The following PDZRN3 variants were observed in gnomAD, a reference collection of about 807,000 sequenced individuals.
PDZRN3 encodes the protein E3 ubiquitin-protein ligase PDZRN3.
In PDZRN3, 38 loss-of-function variants were observed where a neutral mutation model predicts 85.7. That is an observed-to-expected ratio of 0.44 (90% CI 0.34 to 0.58). The LOEUF is 0.58. PDZRN3 is among the 20% of genes least tolerant of loss of function. The probability of loss-of-function intolerance (pLI) is 0.01; values close to 1 mark genes in which losing one functional copy is unlikely to be tolerated. For missense variants in PDZRN3, 1,629 were observed against 1,506.4 expected, an observed-to-expected ratio of 1.08 and a Z score of -1.35; for synonymous variants, 759 against 638.0, an observed-to-expected ratio of 1.19 and a Z score of -2.86.
chr3:73,556,884 G>A (rs980701042), intron 3 of PDZRN3: 1 of 152,476 alleles, frequency 6.6e-6, no homozygotes, highest in East Asian at 1.9e-4. Flanking sequence ...CCCTGAACCT[G>A]ACTGAGGAGC....
intron 3 of PDZRN3, among the ~76,000 whole-genome samples, chr3:73,410,257 G>A (rs1701939629): frequency 6.6e-6 from 1 of 152,118 alleles, no homozygotes; most frequent in Non-Finnish European, 1.5e-5. Context: ...GTCTCCTCTA[G>A]GGCTTGGAGA....
chr3:73,485,792 A>G (rs997721292), intron 3 of PDZRN3, among the ~76,000 whole-genome samples: 2 of 152,240 alleles, frequency 1.3e-5, no homozygotes, highest in Non-Finnish European at 2.9e-5. Context: ...AGGTAATCTG[A>G]TATGTGTTAG....
rs138379313 is a variant in PDZRN3 at position 73,467,510 on chromosome 3, G to T, written c.919-63115C>A. Among the ~76,000 whole-genome samples the T allele has an allele frequency of 5.9e-3, 904 of 152,334 alleles. 12 individuals are homozygous for T. Among genetic ancestry groups the T allele is most frequent in the African/African-American group, 0.021 (859 of 41,576 alleles). On this transcript the variant is annotated intron_variant, in intron 3 of 9. Coordinates refer to ENST00000263666, the MANE Select transcript of PDZRN3 (RefSeq NM_015009.3). ...CCTGAACTGTTTTGAAGTAGTGGAAGGAAAGGCAGGCCTTGAGTTAACACT... is the reference window on the plus strand; with the variant it reads ...CCTGAACTGTTTTGAAGTAGTGGAATGAAAGGCAGGCCTTGAGTTAACACT...
chr3:73,601,629 T>C (rs1008296740), intron 3 of PDZRN3, among the ~76,000 whole-genome samples: 6 of 152,106 alleles, frequency 3.9e-5, no homozygotes, highest in Admixed American at 2.6e-4. Context: ...CAAGAGCCCA[T>C]ATGAGAAGGC....
chr3:73,569,958 G>A (rs916067296), intron 3 of PDZRN3, among the ~76,000 whole-genome samples: 3 of 152,322 alleles, frequency 2.0e-5, no homozygotes, highest in East Asian at 1.9e-4. Flanking sequence ...CAGGAGTTGG[G>A]TGACACTGAC....
At chr3:73,500,043 A>G (rs1299309227) in intron 3 of PDZRN3, among the ~76,000 whole-genome samples, 1 of 152,176 alleles carries the variant, frequency 6.6e-6, no homozygotes, top group Non-Finnish European at 1.5e-5. Context: ...GGGGTTACAA[A>G]GAAAGCCCTT....
At chr3:73,443,500 G>GA (rs1702687407) in intron 3 of PDZRN3, among the ~76,000 whole-genome samples, 2 of 39,782 alleles carry the variant, frequency 5.0e-5, no homozygotes, top group African/African-American at 3.0e-4. Context: ...TTTTTTTTTG[G>GA]GGGGGGGACA....
intron 3 of PDZRN3, among the ~76,000 whole-genome samples, chr3:73,504,512 TCAG>T (rs369574686): frequency 1.9e-3 from 294 of 152,322 alleles, no homozygotes; most frequent in African/African-American, 6.8e-3. Flanking sequence ...ACTCCTCATC[TCAG>T]CCACACCAGT....
chr3:73,525,447 G>A (rs1365762739), intron 3 of PDZRN3, among the ~76,000 whole-genome samples: 2 of 152,162 alleles, frequency 1.3e-5, no homozygotes, highest in Non-Finnish European at 1.5e-5. Context: ...TTTGGGAGAA[G>A]GGAGAGGATT....
chr3:73,498,066 A>G (rs1042541336), intron 3 of PDZRN3, among the ~76,000 whole-genome samples: 1 of 152,222 alleles, frequency 6.6e-6, no homozygotes, highest in Non-Finnish European at 1.5e-5. Flanking sequence ...GTTCCGCCAG[A>G]GAAGGTAAGG....
At chr3:73,611,344 C>G (rs995815249) in intron 1 of PDZRN3, among the ~76,000 whole-genome samples, 11 of 152,206 alleles carry the variant, frequency 7.2e-5, no homozygotes, top group African/African-American at 2.7e-4. Context: ...AGATCTCTCC[C>G]AAGGGACAAT....
intron 3 of PDZRN3, among the ~76,000 whole-genome samples, chr3:73,479,612 A>T (rs1171853475): frequency 1.3e-5 from 2 of 152,164 alleles, no homozygotes; most frequent in Admixed American, 1.3e-4. Flanking sequence ...TCTTTGTAAT[A>T]AGAGTTTGCT....
chr3:73,614,332 A>G (rs748813995), intron 1 of PDZRN3, among the ~76,000 whole-genome samples: 1 of 152,172 alleles, frequency 6.6e-6, no homozygotes, highest in Non-Finnish European at 1.5e-5. Context: ...CTCTGTCACC[A>G]TTCTCCTCCA....
intron 3 of PDZRN3, among the ~76,000 whole-genome samples, chr3:73,493,848 A>G (rs2106667075): frequency 6.6e-6 from 1 of 152,342 alleles, no homozygotes; most frequent in South Asian, 2.1e-4. Context: ...TTAAGCAACC[A>G]CTGGGATTGC....
At chr3:73,487,834 C>T (rs550737267) in intron 3 of PDZRN3, among the ~76,000 whole-genome samples, 1 of 152,306 alleles carries the variant, frequency 6.6e-6, no homozygotes, top group African/African-American at 2.4e-5. Context: ...GGGCCTTTGG[C>T]TGCTCATTAC....
chr3:73,594,183 T>C (rs575647177), intron 3 of PDZRN3, among the ~76,000 whole-genome samples: 1 of 152,204 alleles, frequency 6.6e-6, no homozygotes, highest in Non-Finnish European at 1.5e-5. Context: ...TAGAAAGAAA[T>C]TAATACATAA....
chr3:73,601,293 G>A (rs955093325), intron 3 of PDZRN3, among the ~76,000 whole-genome samples: 5 of 152,162 alleles, frequency 3.3e-5, no homozygotes, highest in African/African-American at 4.8e-5. Flanking sequence ...GGCTTAGCTC[G>A]TGGTCCTAGC....
At chr3:73,551,979 A>T (rs1334286989) in intron 3 of PDZRN3, among the ~76,000 whole-genome samples, 2 of 152,208 alleles carry the variant, frequency 1.3e-5, no homozygotes, top group African/African-American at 4.8e-5. Flanking sequence ...CTGAGCTGAA[A>T]TACCCATGCC....
intron 1 of PDZRN3, among the ~76,000 whole-genome samples, chr3:73,618,504 T>C (rs919111537): frequency 2.6e-5 from 4 of 152,176 alleles, no homozygotes; most frequent in African/African-American, 9.7e-5. Flanking sequence ...AAGAGGTCTA[T>C]CTAATGAAGA....
Sources: allele counts gnomAD v4.1 joint callset (sites outside exome capture counted in the v4.1 genomes callset), GRCh38; gene constraint gnomAD v4.1.1; transcripts MANE v1.5; gene names NCBI Gene and HGNC (gene_info 2026-07-23, HGNC 2026-07-21).